The following DIDO1 variants were observed in gnomAD, a reference collection of about 807,000 sequenced individuals.
DIDO1 encodes death-inducer obliterator 1.
Under a neutral mutation model 99.4 loss-of-function variants are expected in DIDO1, and 16 were observed. That is an observed-to-expected ratio of 0.16 (90% CI 0.11 to 0.24). The LOEUF is 0.24. Among genes scored for constraint, DIDO1 ranks in the 10% least tolerant of loss-of-function variants. The pLI is 1.00. For synonymous variants in DIDO1, 1,366 were observed against 1,239.1 expected (o/e 1.10, Z -2.15); for missense variants, 2,996 against 3,014.0 (o/e 0.99, Z 0.14).
chr20:62,927,560 T>C (rs932670530), upstream of DIDO1, among the ~76,000 whole-genome samples: 1 of 152,232 alleles, frequency 6.6e-6, no homozygotes, highest in Non-Finnish European at 1.5e-5. Flanking sequence ...TTGTTTCTGC[T>C]TCTGTGAACA....
At position 62,882,216 on chromosome 20, in the gene DIDO1, C is replaced by G. The variant is rs760547791; in HGVS notation, c.3740G>C (p.Cys1247Ser). The G allele has an allele frequency of 1.2e-6, 2 of 1,613,702 alleles. No individual in the cohort carries two copies. Among genetic ancestry groups the G allele is most frequent in the Non-Finnish European group, 1.7e-6 (2 of 1,180,024 alleles). Residue 1247 changes from cysteine to serine, a missense_variant, in exon 16 of 16, where the codon TGC (cysteine) becomes TCC (serine). Transcript: ENST00000395343. ...GGTGCTGACAGCCGCGTCTGCAGAG[C>G]AGAGTGGATACTTGGAGGGCTTCTT... ...SEKKPSKYPL[C>S]SADAAVSTTP...
Position 62,911,105 on chromosome 20 carries a change from T to C in DIDO1, c.508A>G (p.Arg170Gly). The C allele has an allele frequency of 1.2e-6, 2 of 1,614,056 alleles. No individual in the cohort carries two copies. The highest frequency in any genetic ancestry group is 3.3e-5 in the Admixed American group (2 of 60,034). The change falls in exon 3 of 16, where the codon AGG becomes GGG. Residue 170 changes from arginine (R) to glycine (G), a missense_variant. Arg to Gly is a moderately radical substitution (Grantham distance 125). Transcript: ENST00000395343. The surrounding 1 kb of genome is among the most constrained non-coding windows in gnomAD (Gnocchi z 7.0). ...TLKELQNRLR[R>G]KREQEPTERP... ...TCAGTGGGCTCCTGTTCCCGCTTCC[T>C]GCGAAGGCGATTCTGAAGCTCTTTC...
intron 1 of DIDO1, among the ~76,000 whole-genome samples, chr20:62,934,613 T>G (rs1279622237): frequency 1.3e-5 from 2 of 152,188 alleles, no homozygotes; most frequent in Non-Finnish European, 2.9e-5. Context: ...AGTACATAAG[T>G]GCATGGCCCT....
rs1568862054 is a variant in DIDO1, at chr20:62,906,038, C to G, written c.1437G>C (p.Val479=). 6.2e-7 allele frequency: 1 copy of G among 1,613,916 alleles called. No individual in the cohort carries two copies. The change falls in exon 6 of 16, where the codon GTG becomes GTC. Residue 479 remains valine, a synonymous_variant. Transcript: ENST00000395343. ...GCGCAGGGACCACCACTGCCTTCTTCACTGTGGTCTCTTTTTTTTCTGGAG... is the reference window on the plus strand; with the variant it reads ...GCGCAGGGACCACCACTGCCTTCTTGACTGTGGTCTCTTTTTTTTCTGGAG... ...RPAPEKKETT[V]KKAVVVPARS...
chr20:62,901,841 A>T (rs2064690769), intron 6 of DIDO1, among the ~76,000 whole-genome samples: 1 of 150,784 alleles, frequency 6.6e-6, no homozygotes, highest in Non-Finnish European at 1.5e-5. Flanking sequence ...AAAACCTAGT[A>T]TTATTTTACA....
intron 1 of DIDO1, among the ~76,000 whole-genome samples, chr20:62,925,147 G>T (rs1368636548): frequency 1.3e-5 from 2 of 152,168 alleles, no homozygotes; most frequent in Non-Finnish European, 2.9e-5. Context: ...AAGAGCCCTA[G>T]GCTCCAGGTA....
At position 62,882,153 on chromosome 20, in the gene DIDO1, G is replaced by C; in HGVS notation, c.3803C>G (p.Pro1268Arg). 2 of 1,613,226 alleles carry C rather than the reference G, an allele frequency of 1.2e-6. No individual in the cohort carries two copies. Among genetic ancestry groups the C allele is most frequent in the South Asian group, 1.1e-5 (1 of 91,078 alleles). ...PGSPPPPPPLPEPPVLKVLSS... is the reference protein window; with the variant it reads ...PGSPPPPPPLREPPVLKVLSS... ...CAGCACTTTTAGCACCGGTGGTTCT[G>C]GAAGAGGGGGCGGAGGCGGCGGCGA... is the stretch of plus-strand genomic sequence containing the variant. The change falls in exon 16 of 16, where the codon CCA (proline) becomes CGA (arginine). Residue 1268 changes from proline to arginine, a missense_variant. Physicochemically the swap from Pro to Arg is moderately radical, Grantham distance 103. Transcript: ENST00000395343.
chr20:62,891,365 C>T (rs538415799), intron 14 of DIDO1, among the ~76,000 whole-genome samples: 6 of 152,318 alleles, frequency 3.9e-5, no homozygotes, highest in South Asian at 2.1e-4. Flanking sequence ...ACATGCACGA[C>T]GGCCCCGGTC....
Position 62,894,244 on chromosome 20 carries a change from T to A in DIDO1, c.2573-50A>T. 6.3e-7 allele frequency: 1 copy of A among 1,592,610 alleles called. No homozygotes were observed. The highest frequency in any genetic ancestry group is 8.6e-7 in the Non-Finnish European group (1 of 1,167,324). ...GTGAGAAACCCAGCCGGCACACTGGTGTTTCTCACACAAAGCCGAAAGCAA... is the reference window on the plus strand; with the variant it reads ...GTGAGAAACCCAGCCGGCACACTGGAGTTTCTCACACAAAGCCGAAAGCAA... On this transcript the variant is annotated intron_variant, in intron 11 of 15. Transcript: ENST00000395343. This position sits in a 1 kb window ranked among gnomAD's most constrained non-coding sequence, Gnocchi z 4.4.
At chr20:62,885,847 G>A (rs1414910881) in intron 15 of DIDO1, among the ~76,000 whole-genome samples, 1 of 152,244 alleles carries the variant, frequency 6.6e-6, no homozygotes, top group Non-Finnish European at 1.5e-5. Flanking sequence ...GACCTTGGGA[G>A]CCATCTTCCC....
intron 6 of DIDO1, among the ~76,000 whole-genome samples, chr20:62,903,363 G>A (rs972635909): frequency 3.3e-5 from 5 of 152,174 alleles, no homozygotes; most frequent in African/African-American, 9.7e-5. Flanking sequence ...GAGCAGCAGC[G>A]GTAGCTCCAC....
In DIDO1 at chr20:62,894,784, G is replaced by C. The variant is rs996379687; in HGVS notation, c.2436+26C>G. ...TGGGATGGATTAGTCTATTCTCGGTGAACACAAAATCTCCCAAATGCTTAC... is the reference window on the plus strand; with the variant it reads ...TGGGATGGATTAGTCTATTCTCGGTCAACACAAAATCTCCCAAATGCTTAC... On this transcript the variant is annotated intron_variant, in intron 10 of 15. Coordinates refer to ENST00000395343, the MANE Select transcript of DIDO1 (RefSeq NM_001193369.2). The surrounding 1 kb of genome is among the most constrained non-coding windows in gnomAD (Gnocchi z 4.4). 1.9e-6 allele frequency: 3 copies of C among 1,597,864 alleles called. No homozygotes were observed. In the African/African-American group the frequency reaches 4.1e-5, roughly 22 times the overall value.
At chr20:62,912,887 C>T (rs897470624) in intron 2 of DIDO1, among the ~76,000 whole-genome samples, 1 of 152,150 alleles carries the variant, frequency 6.6e-6, no homozygotes, top group Non-Finnish European at 1.5e-5. Flanking sequence ...CAAAAATTAG[C>T]TGGGCATGGT....
intron 3 of DIDO1, among the ~76,000 whole-genome samples, 162 bp downstream of exon 3, chr20:62,910,612 G>A (rs896275541): frequency 1.3e-5 from 2 of 152,206 alleles, no homozygotes; most frequent in Admixed American, 6.5e-5. Flanking sequence ...GGTGGCTCTA[G>A]GAAGTCCTTA....
rs1030407990 is a variant in DIDO1, at chr20:62,877,949, G to A, written c.*1284C>T. ...GTTAAACAAACAAAACCTTCTCATC[G>A]TACTAGATGTTGGAACGTGACACCT... On this transcript the variant is annotated 3_prime_UTR_variant, in exon 16 of 16. Coordinates refer to ENST00000395343, the MANE Select transcript of DIDO1 (RefSeq NM_001193369.2). 1 of 152,090 alleles carries A rather than the reference G, an allele frequency of 6.6e-6. No homozygotes were observed. The allele number at this position is 152,090 out of a possible 1,614,324, so 9.4% of individuals were successfully genotyped here.
chr20:62,881,590 AGTTCCTTCT>A lies in DIDO1; in HGVS notation c.4357_4365del (p.Arg1453_Asn1455del). ...ACCGGCTCGGCAGGCCTCTCCACGG[AGTTCCTTCT>A]CACGTCGGCACACATCCTGTTGGGC... On this transcript the variant is annotated inframe_deletion, in exon 16 of 16. Coordinates refer to ENST00000395343, the MANE Select transcript of DIDO1 (RefSeq NM_001193369.2). The surrounding 1 kb of genome is among the most constrained non-coding windows in gnomAD (Gnocchi z 8.3). The A allele has an allele frequency of 6.2e-7, 1 of 1,611,708 alleles. No homozygotes were observed.
chr20:62,879,139 T>C lies in DIDO1; in HGVS notation c.*94A>G. On this transcript the variant is annotated 3_prime_UTR_variant, in exon 16 of 16. Transcript: ENST00000395343. This position sits in a 1 kb window ranked among gnomAD's most constrained non-coding sequence, Gnocchi z 6.3. Reference sequence around the variant, plus strand: ...TAATGTTTAAGTCCAGAATATTCTATCCTGAATCTAAGATCGTGGCTATTT... The same window carrying C: ...TAATGTTTAAGTCCAGAATATTCTACCCTGAATCTAAGATCGTGGCTATTT... 2 of 1,180,112 alleles carry C rather than the reference T, an allele frequency of 1.7e-6. No homozygotes were observed. Among genetic ancestry groups the C allele is most frequent in the Non-Finnish European group, 2.3e-6 (2 of 884,648 alleles). 73.1% of individuals were successfully genotyped at this position (1,180,112 alleles called of 1,614,324 possible).
At position 62,900,214 on chromosome 20, in the gene DIDO1, T is replaced by A. The variant is rs2064635912; in HGVS notation, c.1589-3218A>T. Among the ~76,000 whole-genome samples, 6 of 152,200 alleles carry A rather than the reference T, an allele frequency of 3.9e-5. No individual in the cohort carries two copies. In the South Asian group the frequency reaches 1.2e-3, roughly 32 times the overall value. On this transcript the variant is annotated intron_variant, in intron 6 of 15. Coordinates refer to ENST00000395343, the MANE Select transcript of DIDO1 (RefSeq NM_001193369.2). Reference sequence around the variant, plus strand: ...CCCCTCCCCACACCTCTCTGCCCCTTGGTCGCAGTGCTGTCTCCTTTAGCT... The same window carrying A: ...CCCCTCCCCACACCTCTCTGCCCCTAGGTCGCAGTGCTGTCTCCTTTAGCT...
intron 1 of DIDO1, among the ~76,000 whole-genome samples, chr20:62,933,249 A>C (rs2065349148): frequency 6.6e-6 from 1 of 152,200 alleles, no homozygotes; most frequent in Admixed American, 6.5e-5. Context: ...TGTGCAGCAG[A>C]CTAAATAGTA....
Sources: allele counts gnomAD v4.1 joint callset (sites outside exome capture counted in the v4.1 genomes callset), GRCh38; gene constraint gnomAD v4.1.1; non-coding constraint Gnocchi (gnomAD v3.1); transcripts MANE v1.5; gene names NCBI Gene and HGNC (gene_info 2026-07-23, HGNC 2026-07-21).